The following RGPD3 variants were observed in gnomAD, a reference collection of about 807,000 sequenced individuals.
RGPD3 encodes the protein ranBP2-like and GRIP domain-containing protein 3.
Under a neutral mutation model 154.5 loss-of-function variants are expected in RGPD3, and 62 were observed. The observed-to-expected ratio is 0.40, with a 90% confidence interval of 0.33 to 0.50. The LOEUF is 0.50. Ranked by LOEUF, RGPD3 falls within the 20% of genes least tolerant of loss-of-function variation. The pLI, the probability that RGPD3 is intolerant of heterozygous loss-of-function variation, is 0.59. For missense variants in RGPD3, 919 were observed against 1,716.8 expected (o/e 0.54, Z 8.21); for synonymous variants, 308 against 607.0 (o/e 0.51, Z 7.24).
At chr2:106,466,618 AG>A (rs1366824670) in intron 1 of RGPD3, among the ~76,000 whole-genome samples, 1 of 24,662 alleles carries the variant, frequency 4.1e-5, no homozygotes, top group Non-Finnish European at 7.7e-5. Context: ...ATGACGCCTG[AG>A]CCATCGAGGC....
chr2:106,412,597 C>A (rs140040262), intron 22 of RGPD3, among the ~76,000 whole-genome samples: 1 of 151,656 alleles, frequency 6.6e-6, no homozygotes, highest in Non-Finnish European at 1.5e-5. Context: ...TGTGAACCAC[C>A]GGCGCCTGGC....
chr2:106,446,486 C>T (rs1474219971), intron 7 of RGPD3, among the ~76,000 whole-genome samples: 1 of 133,136 alleles, frequency 7.5e-6, no homozygotes, highest in East Asian at 2.5e-4. Context: ...AGGAAAATGG[C>T]GTGAACTCGG....
rs781389779 is a variant in RGPD3, at chr2:106,424,181, A to C, written c.3786T>G (p.Ser1262Arg). The C allele has an allele frequency of 3.0e-5, 49 of 1,611,660 alleles. No individual in the cohort carries two copies. The highest frequency in any genetic ancestry group is 3.9e-5 in the Non-Finnish European group (46 of 1,179,830). Residue 1262 changes from serine (S) to arginine (R), a missense_variant, in exon 20 of 23, where the codon AGT becomes AGG. Coordinates refer to ENST00000409886, the MANE Select transcript of RGPD3 (RefSeq NM_001144013.2). ...YDLREDALDDSVSSSSVHASP... is the reference protein window; with the variant it reads ...YDLREDALDDRVSSSSVHASP... ...AAGCATGTACTGAGCTACTACTGAC[A>C]CTATCATCCAAAGCATCTTCCCTTA... is the stretch of plus-strand genomic sequence containing the variant.
At chr2:106,426,801 C>T (rs1180263033) in intron 18 of RGPD3, among the ~76,000 whole-genome samples, 44 of 152,348 alleles carry the variant, frequency 2.9e-4, no homozygotes, top group African/African-American at 9.1e-4. Flanking sequence ...CATGCCTGTA[C>T]ATGGAAGAAG....
At chr2:106,415,691 AAAAAAAG>A (rs1218297857) in intron 21 of RGPD3, among the ~76,000 whole-genome samples, 152 bp downstream of exon 21, 2 of 146,710 alleles carry the variant, frequency 1.4e-5, no homozygotes, top group South Asian at 2.2e-4. Flanking sequence ...AAAAAAAAAA[AAAAAAAG>A]GCAATATTTC....
At chr2:106,462,844 T>G (rs1474527844) in intron 1 of RGPD3, among the ~76,000 whole-genome samples, 1 of 142,728 alleles carries the variant, frequency 7.0e-6, no homozygotes, top group African/African-American at 2.6e-5. Flanking sequence ...GTGAAGGCCG[T>G]GATTATACAG....
rs527397592 is a variant in RGPD3, at chr2:106,413,696, C to T, written c.5065-411G>A. Among the ~76,000 whole-genome samples the T allele has an allele frequency of 3.0e-4, 45 of 152,108 alleles. No individual in the cohort carries two copies. The East Asian group carries it at 3.5e-3, about 12-fold the overall frequency. ...GATGAGACACATCAAGAAATTCTCA[C>T]GAGAAACAGATGAAGAGGTGGAAAT... On this transcript the variant is annotated intron_variant, in intron 21 of 22. Coordinates refer to ENST00000409886, the MANE Select transcript of RGPD3 (RefSeq NM_001144013.2).
intron 21 of RGPD3, among the ~76,000 whole-genome samples, chr2:106,414,043 C>T (rs1408341779): frequency 6.6e-6 from 1 of 152,064 alleles, no homozygotes; most frequent in Admixed American, 6.6e-5. Context: ...AAGACGTCCA[C>T]AGTGAACGGC....
At chr2:106,444,967 C>A (rs1435305423) in intron 7 of RGPD3, among the ~76,000 whole-genome samples, 1 of 132,842 alleles carries the variant, frequency 7.5e-6, no homozygotes, top group Admixed American at 7.8e-5. Flanking sequence ...CTCTAATAGA[C>A]ACACAGACAG....
Position 106,424,229 on chromosome 2 carries a change from T to C in RGPD3, c.3738A>G (p.Thr1246=). The part of the protein sequence containing the change: ...IKPNAENTGP[T]LEWDNYDLRE... ...TTAAATCATAGTTATCCCATTCTAA[T>C]GTGGGCCCAGTGTTTTCAGCATTGG... The change falls in exon 20 of 23, where the codon ACA becomes ACG. Residue 1246 remains threonine (T), a synonymous_variant. Coordinates refer to ENST00000409886, the MANE Select transcript of RGPD3 (RefSeq NM_001144013.2). 3 of 1,612,012 alleles carry C rather than the reference T, an allele frequency of 1.9e-6. No homozygotes were observed. Among genetic ancestry groups the C allele is most frequent in the East Asian group, 2.2e-5 (1 of 44,874 alleles).
chr2:106,415,674 C>CAA (rs879163469), intron 21 of RGPD3, among the ~76,000 whole-genome samples, 176 bp downstream of exon 21: 6,937 of 44,320 alleles, frequency 0.16, 512 homozygotes, highest in Non-Finnish European at 0.19. Flanking sequence ...AAGACTGTCT[C>CAA]AAAAAAAAAA....
chr2:106,464,127 T>C (rs1416725878), intron 1 of RGPD3, among the ~76,000 whole-genome samples: 2 of 151,978 alleles, frequency 1.3e-5, no homozygotes, highest in Non-Finnish European at 2.9e-5. Context: ...AGGCGGATCA[T>C]GAGGTCAGGA....
chr2:106,434,202 C>T lies in RGPD3; in HGVS notation c.2205+26G>A, dbSNP rs772214262. The T allele has an allele frequency of 8.1e-5, 129 of 1,586,094 alleles. No homozygotes were observed. In the African/African-American group the frequency reaches 1.1e-3, roughly 14 times the overall value. On this transcript the variant is annotated intron_variant, in intron 15 of 22. Transcript: ENST00000409886. ...CTGACCAGTGGGTTATCAGTAAGAA[C>T]GTACATACAACAACCTGCTACTTAC... is the stretch of plus-strand genomic sequence containing the variant.
chr2:106,424,505 T>C lies in RGPD3; in HGVS notation c.3462A>G (p.Pro1154=), dbSNP rs572121110. The change falls in exon 20 of 23, where the codon CCA becomes CCG. Residue 1154 remains proline (P), a synonymous_variant. Transcript: ENST00000409886. ...LERLAAKFKT[P]ELAEEFKQKF... ...TCTGCTTGAATTCTTCAGCCAGCTC[T>C]GGTGTTTTAAATTTTGCTGCCAATC... is the stretch of plus-strand genomic sequence containing the variant. The C allele has an allele frequency of 2.9e-5, 47 of 1,606,906 alleles. No homozygotes were observed. The African/African-American group carries it at 4.8e-4, about 17-fold the overall frequency.
intron 22 of RGPD3, among the ~76,000 whole-genome samples, chr2:106,406,681 G>A (rs1380954453): frequency 6.6e-6 from 1 of 151,696 alleles, no homozygotes; most frequent in African/African-American, 2.4e-5. Context: ...CCTTTTTAAA[G>A]TGCATAATTC....
chr2:106,436,099 A>C, intron 12 of RGPD3, 24 bp downstream of exon 12: 1 of 1,573,130 alleles, frequency 6.4e-7, no homozygotes, highest in Non-Finnish European at 8.6e-7. Flanking sequence ...TGTTCTTTTA[A>C]AATGCTTATA....
At chr2:106,417,912 G>A (rs1417873978) in intron 20 of RGPD3, among the ~76,000 whole-genome samples, 7 of 150,158 alleles carry the variant, frequency 4.7e-5, no homozygotes, top group East Asian at 2.1e-4. Context: ...GGTGGATCAC[G>A]AGGTCAGCAA....
intron 1 of RGPD3, 126 bp downstream of exon 1, chr2:106,468,091 A>C: frequency 7.9e-7 from 1 of 1,259,852 alleles, no homozygotes. Flanking sequence ...CCGCCTCCAC[A>C]GAGCGCGCCA....
At chr2:106,417,514 G>A (rs1676854980) in intron 20 of RGPD3, among the ~76,000 whole-genome samples, 1 of 149,310 alleles carries the variant, frequency 6.7e-6, no homozygotes, top group African/African-American at 2.5e-5. Context: ...CTGCTCTAAA[G>A]ACTGTGTGTA....
Sources: gnomAD v4.1 joint callset for allele counts (sites outside exome capture counted in the v4.1 genomes callset) on GRCh38, gnomAD v4.1.1 for gene constraint, MANE v1.5 for transcripts, NCBI Gene and HGNC (gene_info 2026-07-23, HGNC 2026-07-21) for gene names.